Variants in ARAP1 observed in about 807,000 individuals in gnomAD.
The protein encoded by ARAP1 is ArfGAP with RhoGAP domain, ankyrin repeat and PH domain 1.
In ARAP1, 76 loss-of-function variants were observed where a neutral mutation model predicts 172.2. That is an observed-to-expected ratio of 0.44 (90% CI 0.37 to 0.53). ARAP1 has a LOEUF of 0.53. Among genes scored for constraint, ARAP1 ranks in the 20% least tolerant of loss-of-function variants. The pLI, the probability that ARAP1 is intolerant of heterozygous loss-of-function variation, is 0.00. For missense variants in ARAP1, 1,686 were observed against 1,977.5 expected (o/e 0.85, Z 2.80); for synonymous variants, 804 against 803.3 (o/e 1.00, Z -0.01).
intron 2 of ARAP1, 143 bp from the exon 3 acceptor site, chr11:72,727,315 G>A (rs1415306763): frequency 8.9e-6 from 6 of 674,708 alleles, no homozygotes; most frequent in Non-Finnish European, 1.5e-5. Context: ...GCTAAGCAAG[G>A]CCAGGTACTG....
chr11:72,702,948 C>A lies in ARAP1; in HGVS notation c.2124G>T (p.Gly708=), dbSNP rs148881276. Residue 708 remains glycine, a synonymous_variant, in exon 15 of 35, where the codon GGG becomes GGT. Transcript: ENST00000393609. ...GAAGGAATTCCATCTGCAGCGTCTGCCCCGCCTGCTCTGCAAGAGCCAGGG... is the reference window on the plus strand; with the variant it reads ...GAAGGAATTCCATCTGCAGCGTCTGACCCGCCTGCTCTGCAAGAGCCAGGG... The part of the protein sequence containing the change: ...PTPLALAEQA[G]QTLQMEFLRN... The A allele has an allele frequency of 7.7e-6, 12 of 1,564,376 alleles. No homozygotes were observed. In the African/African-American group the frequency reaches 1.5e-4, roughly 19 times the overall value.
At chr11:72,691,366 A>G (rs1253972770) in intron 30 of ARAP1, among the ~76,000 whole-genome samples, 3 of 152,102 alleles carry the variant, frequency 2.0e-5, no homozygotes, top group African/African-American at 7.2e-5. Flanking sequence ...GTCCCTTTCC[A>G]GGTACCTCAG....
intron 1 of ARAP1, among the ~76,000 whole-genome samples, chr11:72,748,047 C>A (rs1011795105): frequency 1.3e-5 from 2 of 152,190 alleles, no homozygotes; most frequent in African/African-American, 4.8e-5. Flanking sequence ...TGATCTTGGA[C>A]AAATCACTTA....
At chr11:72,749,870 C>CA (rs1335693964) in intron 1 of ARAP1, among the ~76,000 whole-genome samples, 155 of 123,242 alleles carry the variant, frequency 1.3e-3, no homozygotes, top group South Asian at 1.9e-3. Flanking sequence ...GACTCCGTCT[C>CA]AAAAAAAAAA....
Position 72,695,405 on chromosome 11 carries a change from C to T in ARAP1, c.3558G>A (p.Glu1186=). ...CTVYLEEKKA[E]TEQHIKVPAS... Reference sequence around the variant, plus strand: ...CACCTACCTTGATATGCTGCTCAGTCTCTGCCTTCTTCTCTTCCAGATACA... The same window carrying T: ...CACCTACCTTGATATGCTGCTCAGTTTCTGCCTTCTTCTCTTCCAGATACA... Residue 1186 remains glutamate, a synonymous_variant, in exon 26 of 35, where the codon GAG becomes GAA. Coordinates refer to ENST00000393609, the MANE Select transcript of ARAP1 (RefSeq NM_001040118.3). The surrounding 1 kb of genome is among the most constrained non-coding windows in gnomAD (Gnocchi z 4.4). The T allele has an allele frequency of 6.2e-7, 1 of 1,614,228 alleles. No individual in the cohort carries two copies. The highest frequency in any genetic ancestry group is 1.1e-5 in the South Asian group (1 of 91,078).
intron 1 of ARAP1, among the ~76,000 whole-genome samples, chr11:72,739,808 C>T (rs1262422631): frequency 3.3e-5 from 5 of 152,206 alleles, no homozygotes. Context: ...TGTAGCCAGG[C>T]TCTGGGCTAG....
intron 12 of ARAP1, 83 bp from the exon 13 acceptor site, chr11:72,705,973 A>T: frequency 7.0e-7 from 1 of 1,419,054 alleles, no homozygotes; most frequent in Non-Finnish European, 9.8e-7. Flanking sequence ...CTACTGGGAC[A>T]GGCAGGGATG....
At chr11:72,717,911 G>C (rs897919801) in intron 3 of ARAP1, among the ~76,000 whole-genome samples, 1 of 152,178 alleles carries the variant, frequency 6.6e-6, no homozygotes, top group South Asian at 2.1e-4. Flanking sequence ...AGGGTCCCAG[G>C]GCTCCTCTGA....
intron 1 of ARAP1, among the ~76,000 whole-genome samples, chr11:72,733,451 G>A (rs1365913842): frequency 6.6e-6 from 1 of 152,088 alleles, no homozygotes; most frequent in Non-Finnish European, 1.5e-5. Context: ...TGAGACCCCA[G>A]GGCCCTGCCC....
intron 18 of ARAP1, among the ~76,000 whole-genome samples, chr11:72,698,539 T>A (rs1054285438): frequency 1.3e-5 from 2 of 152,096 alleles, no homozygotes; most frequent in African/African-American, 4.8e-5. Flanking sequence ...AGACAACTGA[T>A]CAACGGAGAA....
intron 13 of ARAP1, chr11:72,705,503 C>A (rs759546741): frequency 9.4e-5 from 32 of 342,118 alleles, no homozygotes; most frequent in Non-Finnish European, 1.5e-4. Flanking sequence ...CTCTAAAGGG[C>A]GAAATAGTAA....
rs769846223 is a variant in ARAP1 at position 72,697,436 on chromosome 11, C to G, written c.2840G>C (p.Gly947Ala). 3 of 1,612,530 alleles carry G rather than the reference C, an allele frequency of 1.9e-6. No individual in the cohort carries two copies. Among genetic ancestry groups the G allele is most frequent in the Non-Finnish European group, 2.5e-6 (3 of 1,179,734 alleles). Residue 947 changes from glycine (G) to alanine (A), a missense_variant, in exon 21 of 35, where the codon GGG becomes GCG. Gly to Ala is a moderately conservative substitution (Grantham distance 60, BLOSUM62 0). Around this residue, in one of 5 missense-constraint regions of ARAP1, gnomAD observed 274 missense variants for 262.7 expected, o/e 1.04. Transcript: ENST00000393609. ...ERRLDFMGWL[G>A]AIQKAAASMG... The stretch of plus-strand genomic sequence containing the variant: ...GCTGGCGGCTGCTTTCTGGATGGCC[C>G]CCAGCCAACCCATGAAGTCCAGCCG...
chr11:72,709,856 A>G lies in ARAP1; in HGVS notation c.1523+14T>C. 6.2e-7 allele frequency: 1 copy of G among 1,613,280 alleles called. No homozygotes were observed. Among genetic ancestry groups the G allele is most frequent in the Middle Eastern group, 1.6e-4 (1 of 6,062 alleles). ...GAGTGAGGATGCCGGTGAGCCAAGAAGATGGAGGGTCACCTGAAGATGCGG... is the reference window on the plus strand; with the variant it reads ...GAGTGAGGATGCCGGTGAGCCAAGAGGATGGAGGGTCACCTGAAGATGCGG... On this transcript the variant is annotated intron_variant, in intron 11 of 34. Coordinates refer to ENST00000393609, the MANE Select transcript of ARAP1 (RefSeq NM_001040118.3).
chr11:72,706,670 A>G (rs930358083), intron 12 of ARAP1, among the ~76,000 whole-genome samples: 9 of 152,026 alleles, frequency 5.9e-5, no homozygotes, highest in African/African-American at 2.2e-4. Flanking sequence ...CCTGGATCCT[A>G]TGGCAGCCTC....
At chr11:72,745,613 C>T (rs906393861) in intron 1 of ARAP1, among the ~76,000 whole-genome samples, 1 of 151,948 alleles carries the variant, frequency 6.6e-6, no homozygotes, top group African/African-American at 2.4e-5. Context: ...TGACCATACC[C>T]GCATGGAGTA....
rs1462081198 is a variant in ARAP1, at chr11:72,726,785, G to A, written c.344C>T (p.Pro115Leu). ...GCAGCTCCTCCGGGGCGGGATGGGTGGGGCAGCGGGGAGCCCCTCATCCTC... is the reference window on the plus strand; with the variant it reads ...GCAGCTCCTCCGGGGCGGGATGGGTAGGGCAGCGGGGAGCCCCTCATCCTC... The part of the protein sequence containing the change: ...TTEDEGLPAA[P>L]PIPPRRSCLP... Residue 115 changes from proline to leucine, a missense_variant, in exon 3 of 35, where the codon CCA (proline) becomes CTA (leucine). Around this residue, in one of 5 missense-constraint regions of ARAP1, gnomAD observed 190 missense variants for 228.6 expected, o/e 0.83. Transcript: ENST00000393609. The surrounding 1 kb of genome is among the most constrained non-coding windows in gnomAD (Gnocchi z 6.5). 1 of 1,548,718 alleles carries A rather than the reference G, an allele frequency of 6.5e-7. No individual in the cohort carries two copies. Among genetic ancestry groups the A allele is most frequent in the South Asian group, 1.2e-5 (1 of 83,996 alleles).
chr11:72,750,344 T>C (rs1858495603), intron 1 of ARAP1, among the ~76,000 whole-genome samples: 1 of 152,140 alleles, frequency 6.6e-6, no homozygotes, highest in Non-Finnish European at 1.5e-5. Flanking sequence ...AGGCCACTTG[T>C]TTGGGCAGTG....
In ARAP1 at chr11:72,695,018, T is replaced by C. The variant is rs1466894397; in HGVS notation, c.3656A>G (p.Tyr1219Cys). Residue 1219 changes from tyrosine to cysteine, a missense_variant, in exon 27 of 35, where the codon TAT (tyrosine) becomes TGT (cysteine). Coordinates refer to ENST00000393609, the MANE Select transcript of ARAP1 (RefSeq NM_001040118.3). The surrounding 1 kb of genome is among the most constrained non-coding windows in gnomAD (Gnocchi z 4.4). ...CTCGTTGACCTCAAAGCAGGTCCAA[T>C]AGTCCTTCTCCCTGATGCCCACGTT... is the stretch of plus-strand genomic sequence containing the variant. ...RRNVGIREKD[Y>C]WTCFEVNERE... 6.2e-7 allele frequency: 1 copy of C among 1,614,128 alleles called. No individual in the cohort carries two copies. Among genetic ancestry groups the C allele is most frequent in the Non-Finnish European group, 8.5e-7 (1 of 1,180,012 alleles).
In ARAP1 at chr11:72,726,504, T is replaced by C; in HGVS notation, c.509+116A>G. The stretch of plus-strand genomic sequence containing the variant: ...GTCCTCCGAGCTTTGCACACGCTGT[T>C]CCCCCTGCACTTCCGAAGTGCCTTT... On this transcript the variant is annotated intron_variant, in intron 3 of 34. Transcript: ENST00000393609. The surrounding 1 kb of genome is among the most constrained non-coding windows in gnomAD (Gnocchi z 6.5). The C allele has an allele frequency of 7.6e-7, 1 of 1,319,230 alleles. No homozygotes were observed. The highest frequency in any genetic ancestry group is 1.5e-5 in the South Asian group (1 of 65,532). 81.7% of individuals were successfully genotyped at this position (1,319,230 alleles called of 1,614,324 possible).
Sources: allele counts gnomAD v4.1 joint callset (sites outside exome capture counted in the v4.1 genomes callset), GRCh38; gene constraint gnomAD v4.1.1; regional missense constraint gnomAD v4.1.1; non-coding constraint Gnocchi (gnomAD v3.1); transcripts MANE v1.5; gene names NCBI Gene and HGNC (gene_info 2026-07-23, HGNC 2026-07-21).